ZNF521: variants seen among roughly 807,000 people sequenced by gnomAD.
ZNF521 encodes LYST-interacting protein 3.
In ZNF521, 14 loss-of-function variants were observed where a neutral mutation model predicts 105.5. The observed-to-expected ratio is 0.13, with a 90% CI of 0.09 to 0.21. The LOEUF (loss-of-function observed/expected upper bound fraction) is 0.21. ZNF521 is among the 10% of genes least tolerant of loss of function. ZNF521 has a pLI of 1.00. For missense variants in ZNF521, 1,233 were observed against 1,629.7 expected (o/e 0.76, Z 4.19); for synonymous variants, 635 against 606.0 (o/e 1.05, Z -0.70).
At chr18:25,315,457 A>C (rs187190866) in intron 3 of ZNF521, 6 of 152,330 alleles carry the variant, frequency 3.9e-5, no homozygotes, top group African/African-American at 1.4e-4. Context: ...GTTCTTTCTT[A>C]GAACAAGGAT....
intron 5 of ZNF521, among the ~76,000 whole-genome samples, chr18:25,125,092 T>C (rs1311544185): frequency 6.6e-6 from 1 of 152,156 alleles, no homozygotes; most frequent in Non-Finnish European, 1.5e-5. Flanking sequence ...GATCCGATAG[T>C]ATCCTGGAGG....
intron 2 of ZNF521, chr18:25,322,419 T>C: frequency 1.7e-6 from 1 of 580,348 alleles, no homozygotes; most frequent in Admixed American, 2.4e-5. Context: ...CCTTTTCCTC[T>C]CTCTCCCATC....
intron 4 of ZNF521, among the ~76,000 whole-genome samples, chr18:25,209,777 T>C (rs1268495430): frequency 6.6e-6 from 1 of 152,238 alleles, no homozygotes; most frequent in Non-Finnish European, 1.5e-5. Flanking sequence ...TTGTCACCTA[T>C]ATGCTCATTT....
intron 5 of ZNF521, among the ~76,000 whole-genome samples, chr18:25,175,995 C>A (rs1476610670): frequency 6.6e-6 from 1 of 152,206 alleles, no homozygotes; most frequent in Admixed American, 6.5e-5. Context: ...CACAATACAG[C>A]TAGAAACCAC....
chr18:25,275,505 G>A (rs1393710977), intron 3 of ZNF521, among the ~76,000 whole-genome samples: 2 of 152,150 alleles, frequency 1.3e-5, no homozygotes, highest in East Asian at 1.9e-4. Flanking sequence ...TGTGTAGCAC[G>A]CCTACCCATT....
At chr18:25,158,750 G>A (rs7244722) in intron 5 of ZNF521, among the ~76,000 whole-genome samples, 66,126 of 151,856 alleles carry the variant, frequency 0.44, 14,583 homozygotes, top group South Asian at 0.58. Flanking sequence ...GAGGCCAGGC[G>A]TTCAAGACCA....
At chr18:25,149,204 C>T (rs2035001035) in intron 5 of ZNF521, among the ~76,000 whole-genome samples, 1 of 152,170 alleles carries the variant, frequency 6.6e-6, no homozygotes, top group Non-Finnish European at 1.5e-5. Flanking sequence ...GCAGACCCTC[C>T]ATGCGGTATG....
intron 4 of ZNF521, among the ~76,000 whole-genome samples, chr18:25,222,858 A>G (rs1375904838): frequency 6.6e-6 from 1 of 152,186 alleles, no homozygotes; most frequent in Admixed American, 6.5e-5. Flanking sequence ...TCATAATTGA[A>G]CAAAAAAATA....
chr18:25,178,935 C>T (rs943871441), intron 5 of ZNF521, among the ~76,000 whole-genome samples: 1 of 152,010 alleles, frequency 6.6e-6, no homozygotes, highest in Non-Finnish European at 1.5e-5. Flanking sequence ...TACACTAATG[C>T]ACACTAGCTC....
chr18:25,166,595 C>T (rs1436825002), intron 5 of ZNF521, among the ~76,000 whole-genome samples: 1 of 152,146 alleles, frequency 6.6e-6, no homozygotes, highest in Admixed American at 6.5e-5. Flanking sequence ...CACTGTCAAT[C>T]TTTCTTCTTT....
intron 7 of ZNF521, among the ~76,000 whole-genome samples, chr18:25,079,564 C>A (rs2033442191): frequency 6.6e-6 from 1 of 151,814 alleles, no homozygotes; most frequent in Non-Finnish European, 1.5e-5. Context: ...CAGTAGCAGT[C>A]TGACTATACT....
intron 3 of ZNF521, among the ~76,000 whole-genome samples, chr18:25,319,951 C>G (rs1912848919): frequency 1.3e-5 from 2 of 152,224 alleles, no homozygotes; most frequent in South Asian, 4.1e-4. Context: ...ATTTTGTAAA[C>G]TAACTGGTAG....
intron 5 of ZNF521, among the ~76,000 whole-genome samples, chr18:25,120,237 T>C (rs1038725035): frequency 6.6e-6 from 1 of 152,200 alleles, no homozygotes; most frequent in African/African-American, 2.4e-5. Context: ...GAAATTCCTC[T>C]TATGAGGTCA....
chr18:25,225,128 G>A lies in ZNF521; in HGVS notation c.2790C>T (p.Tyr930=). 6.2e-7 allele frequency: 1 copy of A among 1,614,154 alleles called. No homozygotes were observed. The highest frequency in any genetic ancestry group is 8.5e-7 in the Non-Finnish European group (1 of 1,180,022). Residue 930 remains tyrosine, a synonymous_variant, in exon 4 of 8, where the codon TAC becomes TAT. Transcript: ENST00000361524. This position sits in a 1 kb window ranked among gnomAD's most constrained non-coding sequence, Gnocchi z 5.6. ...KKKAELIKGN[Y]KCNVCSRTFF... is the part of the protein sequence containing the mutation. ...AGGTTCGAGAGCACACGTTGCACTT[G>A]TAATTCCCTTTAATGAGCTCAGCTT... is the stretch of plus-strand genomic sequence containing the variant.
chr18:25,340,181 CCT>C (rs1197517166), intron 2 of ZNF521, among the ~76,000 whole-genome samples: 2 of 152,020 alleles, frequency 1.3e-5, no homozygotes, highest in African/African-American at 4.8e-5. Flanking sequence ...ATGATGAAAC[CCT>C]GTCTCTACTA....
intron 5 of ZNF521, among the ~76,000 whole-genome samples, chr18:25,103,478 C>A (rs1321224329): frequency 6.6e-6 from 1 of 152,154 alleles, no homozygotes; most frequent in African/African-American, 2.4e-5. Context: ...TGAGAAGAAA[C>A]CGAGACTGCA....
intron 3 of ZNF521, chr18:25,302,048 C>T (rs559147846): frequency 2.0e-5 from 3 of 152,096 alleles, no homozygotes; most frequent in Non-Finnish European, 2.9e-5. Context: ...TCTCAATTTC[C>T]CTTTTATAGA....
chr18:25,338,355 T>A (rs149606639), intron 2 of ZNF521, among the ~76,000 whole-genome samples: 59 of 150,378 alleles, frequency 3.9e-4, no homozygotes, highest in African/African-American at 1.4e-3. Context: ...GAGTTGAAAG[T>A]GGAAAAAAGT....
chr18:25,249,588 A>G (rs1490155193), intron 3 of ZNF521, among the ~76,000 whole-genome samples: 1 of 151,916 alleles, frequency 6.6e-6, no homozygotes, highest in Non-Finnish European at 1.5e-5. Flanking sequence ...CAGCCTCCCA[A>G]GTAACTGGGA....
Sources: gnomAD v4.1 joint callset for allele counts (sites outside exome capture counted in the v4.1 genomes callset) on GRCh38, gnomAD v4.1.1 for gene constraint, Gnocchi (gnomAD v3.1) non-coding constraint, MANE v1.5 for transcripts, NCBI Gene and HGNC (gene_info 2026-07-23, HGNC 2026-07-21) for gene names.